Variants in HIRA observed in about 807,000 individuals in gnomAD.
HIRA encodes the protein protein HIRA.
Under a neutral mutation model 126.6 loss-of-function variants are expected in HIRA, and 13 were observed. That is an observed-to-expected ratio of 0.10 (90% CI 0.07 to 0.16). HIRA has a LOEUF of 0.16. Among genes scored for constraint, HIRA ranks in the 10% least tolerant of loss-of-function variants. HIRA has a pLI of 1.00. For missense variants in HIRA, 834 were observed against 1,314.4 expected, an observed-to-expected ratio of 0.63 and a Z score of 5.65; for synonymous variants, 511 against 520.0, an observed-to-expected ratio of 0.98 and a Z score of 0.24.
At chr22:19,395,269 G>A (rs542583003) in intron 7 of HIRA, among the ~76,000 whole-genome samples, 18 of 152,238 alleles carry the variant, frequency 1.2e-4, no homozygotes, top group African/African-American at 4.3e-4. Flanking sequence ...TCTAGAGCAG[G>A]ACATGACAAA....
At chr22:19,406,679 G>A (rs1001571888) in intron 4 of HIRA, among the ~76,000 whole-genome samples, 1 of 152,190 alleles carries the variant, frequency 6.6e-6, no homozygotes, top group Non-Finnish European at 1.5e-5. Context: ...GCAGGGTCTG[G>A]TGCCCCAGAC....
chr22:19,350,173 C>G (rs995866229), intron 24 of HIRA, among the ~76,000 whole-genome samples: 1 of 152,090 alleles, frequency 6.6e-6, no homozygotes, highest in African/African-American at 2.4e-5. Flanking sequence ...CATCACCACT[C>G]AAGACACTAC....
chr22:19,421,248 G>A (rs149258799), intron 1 of HIRA, among the ~76,000 whole-genome samples: 2 of 150,486 alleles, frequency 1.3e-5, no homozygotes, highest in East Asian at 3.9e-4. Context: ...GCAGTGAGCC[G>A]AGGTTGCACC....
At chr22:19,405,733 G>C (rs2089302959) in intron 5 of HIRA, 53 bp downstream of exon 5, 1 of 1,264,000 alleles carries the variant, frequency 7.9e-7, no homozygotes, top group East Asian at 2.8e-5. Flanking sequence ...CGGTGCTGCT[G>C]ATCTGAGCCA....
intron 21 of HIRA, among the ~76,000 whole-genome samples, chr22:19,355,015 C>T (rs1190095351): frequency 1.3e-5 from 2 of 152,062 alleles, no homozygotes; most frequent in East Asian, 3.9e-4. Flanking sequence ...TCAAGCAATC[C>T]TCTCAGCCTC....
intron 15 of HIRA, among the ~76,000 whole-genome samples, chr22:19,362,885 C>T (rs944188882): frequency 1.3e-5 from 2 of 150,992 alleles, no homozygotes; most frequent in African/African-American, 2.4e-5. Context: ...ATATAAAATA[C>T]TCAGCTAAAA....
intron 2 of HIRA, among the ~76,000 whole-genome samples, chr22:19,410,183 G>T (rs1468617188): frequency 6.6e-6 from 1 of 152,244 alleles, no homozygotes; most frequent in African/African-American, 2.4e-5. Flanking sequence ...CATTGCAAAA[G>T]ATGCTGGCTG....
rs903091725 is a variant in HIRA at position 19,355,226 on chromosome 22, C to T, written c.2561+534G>A. Among the ~76,000 whole-genome samples, 35 of 152,074 alleles carry T rather than the reference C, an allele frequency of 2.3e-4. 1 individual carries two copies. The highest frequency in any genetic ancestry group is 6.8e-4 in the African/African-American group (28 of 41,416). ...AGAACTTGGAGTGGCTGGAACACAA[C>T]GTACATAATTCACGTGTCTGGGTTA... On this transcript the variant is annotated intron_variant, in intron 21 of 24. Coordinates refer to ENST00000263208, the MANE Select transcript of HIRA (RefSeq NM_003325.4).
At chr22:19,361,953 C>T (rs1423677109) in intron 15 of HIRA, 22 bp from the exon 16 acceptor site, 4 of 1,608,690 alleles carry the variant, frequency 2.5e-6, no homozygotes, top group Admixed American at 1.7e-5. Flanking sequence ...CATTACATCA[C>T]ACTTCCCTTC....
In HIRA at chr22:19,390,364, G is replaced by A. The variant is rs12627880; in HGVS notation, c.936+1737C>T. ...TCCCAGTACTTTGGGAGGCCAAGGC[G>A]GGCGGATCACCTGAGGTCAGGAGTT... is the stretch of plus-strand genomic sequence containing the variant. On this transcript the variant is annotated intron_variant, in intron 9 of 24. Coordinates refer to ENST00000263208, the MANE Select transcript of HIRA (RefSeq NM_003325.4). Among the ~76,000 whole-genome samples, 1,168 of 152,092 alleles carry A rather than the reference G, an allele frequency of 7.7e-3. 28 individuals carry two copies. Among genetic ancestry groups the A allele is most frequent in the East Asian group, 0.069 (355 of 5,166 alleles).
intron 9 of HIRA, among the ~76,000 whole-genome samples, chr22:19,391,036 AT>A (rs1677025954): frequency 6.6e-6 from 1 of 152,092 alleles, no homozygotes; most frequent in Non-Finnish European, 1.5e-5. Context: ...ATAAAGACTT[AT>A]ACAAGAATGT....
chr22:19,359,646 C>T (rs972521262), intron 17 of HIRA, among the ~76,000 whole-genome samples, 162 bp from the exon 18 acceptor site: 4 of 152,116 alleles, frequency 2.6e-5, no homozygotes, highest in Non-Finnish European at 4.4e-5. Context: ...AGGGGCTGAG[C>T]GGGAGGCCCA....
intron 19 of HIRA, 148 bp from the exon 20 acceptor site, chr22:19,356,436 C>A: frequency 1.5e-6 from 1 of 670,808 alleles, no homozygotes. Context: ...CGAGTGGCTT[C>A]TGCTCTCCAT....
At chr22:19,364,360 C>G (rs1291334771) in intron 15 of HIRA, among the ~76,000 whole-genome samples, 1 of 152,048 alleles carries the variant, frequency 6.6e-6, no homozygotes, top group Non-Finnish European at 1.5e-5. Flanking sequence ...ACAGGCATAC[C>G]TTGTGTTATT....
chr22:19,410,624 G>T (rs1569310787), intron 2 of HIRA, 92 bp downstream of exon 2: 2 of 871,472 alleles, frequency 2.3e-6, no homozygotes, highest in East Asian at 2.4e-5. Flanking sequence ...CTGAAAAATA[G>T]CAAGTATTCC....
In HIRA at chr22:19,392,211, A is replaced by G; in HGVS notation, c.826T>C (p.Phe276Leu). The change falls in exon 9 of 25, where the codon TTC (phenylalanine) becomes CTC (leucine). Residue 276 changes from phenylalanine to leucine, a missense_variant. Physicochemically the swap from Phe to Leu is conservative, Grantham distance 22 (BLOSUM62 0). This residue lies in a region of HIRA where 153 missense variants were observed against 270.6 expected (regional missense o/e 0.57). Coordinates refer to ENST00000263208, the MANE Select transcript of HIRA (RefSeq NM_003325.4). ...TTCTTTTTGAAGATTTTTGGGTTGAATTTCTAAAGCCAAATAACAGATGTT... is the reference window on the plus strand; with the variant it reads ...TTCTTTTTGAAGATTTTTGGGTTGAGTTTCTAAAGCCAAATAACAGATGTT... ...GHRKAVTVVKFNPKIFKKKQK... is the reference protein window; with the variant it reads ...GHRKAVTVVKLNPKIFKKKQK... The G allele has an allele frequency of 6.3e-7, 1 of 1,594,194 alleles. No individual in the cohort carries two copies. The highest frequency in any genetic ancestry group is 8.6e-7 in the Non-Finnish European group (1 of 1,162,698).
At chr22:19,332,050 C>T (rs782622918) in intron 24 of HIRA, among the ~76,000 whole-genome samples, 17 of 152,312 alleles carry the variant, frequency 1.1e-4, no homozygotes, top group South Asian at 1.0e-3. Context: ...GGAGGATGTT[C>T]GGATGCTGAC....
At chr22:19,431,295 A>T in intron 1 of HIRA, 145 bp downstream of exon 1, 1 of 902,330 alleles carries the variant, frequency 1.1e-6, no homozygotes, top group Middle Eastern at 2.4e-4. Context: ...CTGAGGACAA[A>T]GTCCGCTCCC....
chr22:19,389,876 AT>A (rs1284984054), intron 9 of HIRA, among the ~76,000 whole-genome samples: 2 of 151,656 alleles, frequency 1.3e-5, no homozygotes, highest in East Asian at 1.9e-4. Context: ...AAAAAAAAAA[AT>A]CACAACGCAC....
Sources: gnomAD v4.1 joint callset for allele counts (sites outside exome capture counted in the v4.1 genomes callset) on GRCh38, gnomAD v4.1.1 for gene constraint, gnomAD v4.1.1 regional missense constraint, MANE v1.5 for transcripts, NCBI Gene and HGNC (gene_info 2026-07-23, HGNC 2026-07-21) for gene names.